KCNIP1: variants seen among roughly 807,000 people sequenced by gnomAD.
KCNIP1 encodes potassium voltage-gated channel interacting protein 1.
KCNIP1 carries 18 observed loss-of-function variants against 33.0 expected under a neutral mutation model. The ratio of observed to expected loss-of-function variants is 0.55; its 90% CI spans 0.38 to 0.81. The LOEUF (loss-of-function observed/expected upper bound fraction) is 0.81. Among genes scored for constraint, KCNIP1 ranks in the 30% least tolerant of loss-of-function variants. KCNIP1 has a pLI of 0.00. For missense variants in KCNIP1, 238 were observed against 271.6 expected, an observed-to-expected ratio of 0.88 and a Z score of 0.87; for synonymous variants, 93 against 98.3, an observed-to-expected ratio of 0.95 and a Z score of 0.32.
intron 1 of KCNIP1, among the ~76,000 whole-genome samples, chr5:170,421,210 G>A (rs999321041): frequency 3.3e-5 from 5 of 152,128 alleles, no homozygotes; most frequent in South Asian, 2.1e-4. Context: ...AACCTTGGCC[G>A]TGGTGCACTC....
intron 1 of KCNIP1, among the ~76,000 whole-genome samples, chr5:170,570,692 A>AG (rs1757375426): frequency 6.6e-6 from 1 of 152,278 alleles, no homozygotes; most frequent in Admixed American, 6.5e-5. Flanking sequence ...GCGGCGGGTC[A>AG]GCATTGGAGC....
intron 1 of KCNIP1, among the ~76,000 whole-genome samples, chr5:170,374,393 G>A (rs1763931794): frequency 6.6e-6 from 1 of 152,160 alleles, no homozygotes; most frequent in African/African-American, 2.4e-5. Flanking sequence ...AGTCCTCTGA[G>A]ATCTTCATAA....
chr5:170,564,647 G>A (rs1409784254), intron 1 of KCNIP1, among the ~76,000 whole-genome samples: 2 of 152,214 alleles, frequency 1.3e-5, no homozygotes, highest in Non-Finnish European at 2.9e-5. Flanking sequence ...GTGCACCACA[G>A]TGCTGGGACG....
intron 1 of KCNIP1, among the ~76,000 whole-genome samples, chr5:170,464,945 G>A (rs547975487): frequency 9.1e-4 from 139 of 152,250 alleles, no homozygotes; most frequent in Non-Finnish European, 1.6e-3. Flanking sequence ...ATGCCCAGAC[G>A]GTTAGGAGGC....
At chr5:170,411,505 T>C (rs1403526551) in intron 1 of KCNIP1, among the ~76,000 whole-genome samples, 2 of 152,208 alleles carry the variant, frequency 1.3e-5, no homozygotes, top group Admixed American at 1.3e-4. Flanking sequence ...AGTGGCTCTG[T>C]GTCAACCTGG....
intron 1 of KCNIP1, among the ~76,000 whole-genome samples, chr5:170,675,624 A>G (rs1256517460): frequency 6.6e-6 from 1 of 152,216 alleles, no homozygotes; most frequent in Non-Finnish European, 1.5e-5. Flanking sequence ...CATCTCTAAA[A>G]TAAAATAAAT....
intron 1 of KCNIP1, among the ~76,000 whole-genome samples, chr5:170,703,370 T>C (rs761382296): frequency 2.2e-5 from 3 of 138,366 alleles, no homozygotes; most frequent in Non-Finnish European, 4.6e-5. Context: ...GTTTAATTGT[T>C]GCCGTGTGGG....
chr5:170,443,171 G>A (rs979974885), intron 1 of KCNIP1, among the ~76,000 whole-genome samples: 3 of 152,130 alleles, frequency 2.0e-5, no homozygotes, highest in South Asian at 2.1e-4. Context: ...CACCACCGAG[G>A]CACAGCTGAG....
chr5:170,718,657 G>A (rs905680449), intron 1 of KCNIP1, 101 bp from the exon 2 acceptor site: 1 of 1,414,368 alleles, frequency 7.1e-7, no homozygotes, highest in African/African-American at 1.4e-5. Flanking sequence ...CACAGTCCTA[G>A]ATCCCAGGTC....
At chr5:170,436,749 A>G (rs1162452901) in intron 1 of KCNIP1, among the ~76,000 whole-genome samples, 1 of 152,142 alleles carries the variant, frequency 6.6e-6, no homozygotes, top group Non-Finnish European at 1.5e-5. Context: ...TCTTGACCAG[A>G]GGCCCAGTCT....
intron 1 of KCNIP1, among the ~76,000 whole-genome samples, chr5:170,718,206 T>C (rs1246563513): frequency 6.6e-6 from 1 of 152,358 alleles, no homozygotes; most frequent in South Asian, 2.1e-4. Context: ...TAAGGCTATC[T>C]AGTAGACATT....
chr5:170,479,901 A>G (rs1306716986), intron 1 of KCNIP1, among the ~76,000 whole-genome samples: 1 of 152,230 alleles, frequency 6.6e-6, no homozygotes, highest in Non-Finnish European at 1.5e-5. Context: ...TAAATCAAAA[A>G]CTTATTAAAA....
At chr5:170,475,341 G>C (rs577014138) in intron 1 of KCNIP1, among the ~76,000 whole-genome samples, 27 of 152,296 alleles carry the variant, frequency 1.8e-4, no homozygotes, top group African/African-American at 6.3e-4. Context: ...ACATTGACCA[G>C]CTCCTGCGTG....
chr5:170,533,662 A>T (rs554357673), intron 1 of KCNIP1, among the ~76,000 whole-genome samples: 2 of 152,340 alleles, frequency 1.3e-5, no homozygotes, highest in Non-Finnish European at 2.9e-5. Flanking sequence ...TTCAAAAGGG[A>T]TCTAATAAAC....
intron 4 of KCNIP1, among the ~76,000 whole-genome samples, 159 bp downstream of exon 4, chr5:170,722,062 A>G (rs965813212): frequency 1.3e-5 from 2 of 152,170 alleles, no homozygotes; most frequent in African/African-American, 4.8e-5. Context: ...GATGGGGAAA[A>G]GCAGCAGCAA....
At chr5:170,677,000 G>C (rs1762169471) in intron 1 of KCNIP1, among the ~76,000 whole-genome samples, 1 of 152,156 alleles carries the variant, frequency 6.6e-6, no homozygotes, top group African/African-American at 2.4e-5. Context: ...TCCCCTACCT[G>C]AAGTAACACT....
At chr5:170,637,149 G>A (rs1760317715) in intron 1 of KCNIP1, among the ~76,000 whole-genome samples, 1 of 152,142 alleles carries the variant, frequency 6.6e-6, no homozygotes, top group Non-Finnish European at 1.5e-5. Flanking sequence ...CCCTGCATAT[G>A]TGAACCAAGG....
intron 1 of KCNIP1, among the ~76,000 whole-genome samples, chr5:170,443,119 T>C (rs558790100): frequency 1.3e-5 from 2 of 152,254 alleles, no homozygotes; most frequent in Admixed American, 6.5e-5. Flanking sequence ...AGGGGTTCCA[T>C]GGTAGGCACC....
chr5:170,558,860 A>G (rs746761371), intron 1 of KCNIP1, among the ~76,000 whole-genome samples: 14 of 152,216 alleles, frequency 9.2e-5, no homozygotes, highest in Non-Finnish European at 1.9e-4. Flanking sequence ...AGAAATTGCC[A>G]ATTGACATAT....
Sources: allele counts gnomAD v4.1 joint callset (sites outside exome capture counted in the v4.1 genomes callset), GRCh38; gene constraint gnomAD v4.1.1; transcripts MANE v1.5; gene names NCBI Gene and HGNC (gene_info 2026-07-23, HGNC 2026-07-21).